Variants in KCNK9 observed in about 807,000 individuals in gnomAD.
KCNK9 encodes the protein potassium channel subfamily K member 9.
In KCNK9, 1 loss-of-function variant was observed where a neutral mutation model predicts 10.8. That is an observed-to-expected ratio of 0.09 (90% CI 0.03 to 0.44). KCNK9 has a LOEUF of 0.44. Ranked by LOEUF, KCNK9 falls within the 20% of genes least tolerant of loss-of-function variation. The probability of loss-of-function intolerance (pLI) is 0.97; values close to 1 mark genes in which losing one functional copy is unlikely to be tolerated. For missense variants in KCNK9, 303 were observed against 515.0 expected (o/e 0.59, Z 3.98); for synonymous variants, 231 against 222.7 (o/e 1.04, Z -0.33).
rs1266842609 is a variant in KCNK9 at position 139,703,076 on chromosome 8, C to G, written c.-84G>C. ...TCCCACTGCAGCGCCCGGCGGCCGC[C>G]GCCGCCTCCTCCTCCGCCGCCGCCG... is the stretch of plus-strand genomic sequence containing the variant. On this transcript the variant is annotated 5_prime_UTR_variant, in exon 1 of 2. Transcript: ENST00000520439. The surrounding 1 kb of genome is among the most constrained non-coding windows in gnomAD (Gnocchi z 6.4). 2 of 1,230,354 alleles carry G rather than the reference C, an allele frequency of 1.6e-6. No individual in the cohort carries two copies. The highest frequency in any genetic ancestry group is 2.1e-6 in the Non-Finnish European group (2 of 975,274). 76.2% of individuals were successfully genotyped at this position (1,230,354 alleles called of 1,614,324 possible). A position where few individuals can be genotyped will look rare whatever the true frequency, so the allele number is the denominator to read the frequency against.
chr8:139,639,353 T>G (rs1447552723), intron 1 of KCNK9, among the ~76,000 whole-genome samples: 1 of 152,202 alleles, frequency 6.6e-6, no homozygotes, highest in Non-Finnish European at 1.5e-5. Context: ...CGCCAAGATG[T>G]GGCCCCGGGT....
chr8:139,620,699 C>T (rs1436215200), intron 1 of KCNK9, among the ~76,000 whole-genome samples: 5 of 152,192 alleles, frequency 3.3e-5, no homozygotes, highest in Admixed American at 6.5e-5. Context: ...AGGCCTTCCC[C>T]CCATCCTCTC....
intron 2 of KCNK9, chr8:139,601,742 C>T (rs964573512): frequency 3.9e-5 from 6 of 152,178 alleles, no homozygotes; most frequent in Admixed American, 2.0e-4. Flanking sequence ...ATAATTAAGA[C>T]CCCCTGCTCC....
chr8:139,625,843 G>T (rs1368967439), intron 1 of KCNK9, among the ~76,000 whole-genome samples: 3 of 152,102 alleles, frequency 2.0e-5, no homozygotes, highest in African/African-American at 7.2e-5. Context: ...ACCAGCTGTG[G>T]CTAGAAGGCA....
At chr8:139,672,984 G>A (rs1222579864) in intron 1 of KCNK9, among the ~76,000 whole-genome samples, 4 of 152,204 alleles carry the variant, frequency 2.6e-5, no homozygotes, top group East Asian at 1.9e-4. Context: ...ACAAGAAGGC[G>A]AGAGGAACAA....
intron 1 of KCNK9, among the ~76,000 whole-genome samples, chr8:139,676,758 C>G (rs956322857): frequency 1.3e-5 from 2 of 152,166 alleles, no homozygotes; most frequent in Admixed American, 1.3e-4. Flanking sequence ...CAAGACCAGC[C>G]TGGCCAACAT....
chr8:139,686,834 A>G (rs1345882137), intron 1 of KCNK9, among the ~76,000 whole-genome samples: 1 of 152,232 alleles, frequency 6.6e-6, no homozygotes, highest in Non-Finnish European at 1.5e-5. Context: ...AAAGAAAAAA[A>G]TAAACTCACT....
chr8:139,673,924 C>T (rs575658169), intron 1 of KCNK9, among the ~76,000 whole-genome samples: 12 of 152,258 alleles, frequency 7.9e-5, no homozygotes, highest in East Asian at 1.9e-4. Context: ...CCAGAGCTGA[C>T]GGCTCCAGCC....
chr8:139,694,414 C>G (rs933447151), intron 1 of KCNK9, among the ~76,000 whole-genome samples: 1 of 152,196 alleles, frequency 6.6e-6, no homozygotes, highest in African/African-American at 2.4e-5. Context: ...TGAGGGAGCC[C>G]AGGCTTAAGG....
intron 1 of KCNK9, among the ~76,000 whole-genome samples, chr8:139,665,069 T>C (rs1306395998): frequency 6.6e-6 from 1 of 152,198 alleles, no homozygotes; most frequent in Non-Finnish European, 1.5e-5. Context: ...CGTTTTAGTT[T>C]TCTGAGGCTG....
intron 2 of KCNK9, among the ~76,000 whole-genome samples, chr8:139,605,793 A>C (rs1436101282): frequency 6.6e-6 from 1 of 152,248 alleles, no homozygotes; most frequent in African/African-American, 2.4e-5. Context: ...TGTAAGTTAC[A>C]TATTCTACAT....
intron 1 of KCNK9, among the ~76,000 whole-genome samples, chr8:139,660,882 C>G (rs374062919): frequency 3.3e-5 from 5 of 152,170 alleles, no homozygotes; most frequent in Admixed American, 6.5e-5. Flanking sequence ...TGGTAGAGGA[C>G]CCAGTTGCTT....
chr8:139,608,116 C>T (rs189420529), downstream of KCNK9, among the ~76,000 whole-genome samples: 11 of 152,318 alleles, frequency 7.2e-5, no homozygotes, highest in East Asian at 1.9e-3. Flanking sequence ...TCTCTGGATG[C>T]GTAGAGGTCT....
At chr8:139,611,145 T>C (rs1427471241), downstream of KCNK9, among the ~76,000 whole-genome samples, 1 of 152,236 alleles carries the variant, frequency 6.6e-6, no homozygotes, top group Non-Finnish European at 1.5e-5. Context: ...CTGGGAGACA[T>C]GGGCCTTGCT....
intron 1 of KCNK9, among the ~76,000 whole-genome samples, chr8:139,646,640 A>G (rs995886997): frequency 2.0e-5 from 3 of 152,246 alleles, no homozygotes; most frequent in African/African-American, 7.2e-5. Flanking sequence ...GCTGGGAAAA[A>G]CAGGGATGCC....
chr8:139,633,876 G>A (rs923358352), intron 1 of KCNK9, among the ~76,000 whole-genome samples: 13 of 152,236 alleles, frequency 8.5e-5, no homozygotes, highest in East Asian at 1.9e-4. Context: ...CCCTAAAGGC[G>A]GGGGCCTCTC....
In KCNK9 at chr8:139,696,245, C is replaced by T. The variant is rs554805416; in HGVS notation, c.283+6465G>A. Among the ~76,000 whole-genome samples, 92 of 152,226 alleles carry T rather than the reference C, an allele frequency of 6.0e-4. 1 individual carries two copies. Among genetic ancestry groups the T allele is most frequent in the Admixed American group, 1.2e-3 (19 of 15,286 alleles). On this transcript the variant is annotated intron_variant, in intron 1 of 1. Transcript: ENST00000520439. ...GAGGCATTCAAGAGATGACTAGCTT[C>T]GGGGGTTCTGGGGTGCTAGTAATGT...
At chr8:139,671,653 G>A (rs2129735174) in intron 1 of KCNK9, among the ~76,000 whole-genome samples, 1 of 152,246 alleles carries the variant, frequency 6.6e-6, no homozygotes, top group South Asian at 2.1e-4. Flanking sequence ...AAGTAGCTGG[G>A]GTTATAGGCA....
intron 1 of KCNK9, among the ~76,000 whole-genome samples, chr8:139,636,730 GT>G (rs1815351214): frequency 6.6e-6 from 1 of 152,232 alleles, no homozygotes; most frequent in Non-Finnish European, 1.5e-5. Flanking sequence ...CTGGAAAAGT[GT>G]TTACGTAAGA....
Sources: gnomAD v4.1 joint callset for allele counts (sites outside exome capture counted in the v4.1 genomes callset) on GRCh38, gnomAD v4.1.1 for gene constraint, Gnocchi (gnomAD v3.1) non-coding constraint, MANE v1.5 for transcripts, NCBI Gene and HGNC (gene_info 2026-07-23, HGNC 2026-07-21) for gene names.